The following SRD5A2 variants were observed in gnomAD, a reference collection of about 807,000 sequenced individuals.
The protein encoded by SRD5A2 is steroid 5 alpha-reductase 2.
SRD5A2 carries 30 observed loss-of-function variants against 27.4 expected under a neutral mutation model. That is an observed-to-expected ratio of 1.10 (90% CI 0.82 to 1.49). The LOEUF (loss-of-function observed/expected upper bound fraction) is 1.49. Ranked by LOEUF, SRD5A2 falls within the 40% of genes most tolerant of loss-of-function variation. The pLI is 0.00. For synonymous variants in SRD5A2, 141 were observed against 133.6 expected (o/e 1.06, Z -0.38); for missense variants, 348 against 323.4 (o/e 1.08, Z -0.58).
At chr2:31,618,850 C>G in the SRD5A2 span, among the ~76,000 whole-genome samples, 1 of 151,992 alleles carries the variant, frequency 6.6e-6, no homozygotes, top group Non-Finnish European at 1.5e-5. Flanking sequence ...CCAAAAAAAG[C>G]AATAAATATG....
chr2:31,550,601 G>T (rs1276232453), intron 1 of SRD5A2, among the ~76,000 whole-genome samples: 2 of 151,768 alleles, frequency 1.3e-5, no homozygotes, highest in Non-Finnish European at 2.9e-5. Flanking sequence ...AAAATCAATT[G>T]ATGTAACCCA....
the SRD5A2 span, among the ~76,000 whole-genome samples, chr2:31,633,152 C>T: frequency 6.6e-6 from 1 of 152,140 alleles, no homozygotes; most frequent in Non-Finnish European, 1.5e-5. Context: ...ATGGGGTAAT[C>T]CCCTCTGGGA....
chr2:31,594,817 G>A, the SRD5A2 span, among the ~76,000 whole-genome samples: 1 of 152,044 alleles, frequency 6.6e-6, no homozygotes, highest in African/African-American at 2.4e-5. Flanking sequence ...CACAAAACAA[G>A]TCTCAATAAA....
chr2:31,572,122 A>G (rs1300075659), intron 1 of SRD5A2, among the ~76,000 whole-genome samples: 1 of 152,252 alleles, frequency 6.6e-6, no homozygotes, highest in Non-Finnish European at 1.5e-5. Flanking sequence ...AATGTGGCAT[A>G]TATACACCAT....
the SRD5A2 span, among the ~76,000 whole-genome samples, chr2:31,636,953 T>G: frequency 1.3e-5 from 2 of 152,048 alleles, no homozygotes; most frequent in Non-Finnish European, 2.9e-5. Context: ...TGTATCTTTA[T>G]CTGGTTTCAG....
chr2:31,601,595 C>G, the SRD5A2 span, among the ~76,000 whole-genome samples: 1 of 151,932 alleles, frequency 6.6e-6, no homozygotes, highest in Non-Finnish European at 1.5e-5. Context: ...ATACTAAAAC[C>G]TGGCAGAGAT....
intron 1 of SRD5A2, among the ~76,000 whole-genome samples, chr2:31,567,225 C>A (rs1262517302): frequency 6.6e-6 from 1 of 152,074 alleles, no homozygotes; most frequent in Non-Finnish European, 1.5e-5. Context: ...GAATTCCTGG[C>A]CCTCCTCTAC....
chr2:31,609,130 C>G, the SRD5A2 span, among the ~76,000 whole-genome samples: 11 of 152,072 alleles, frequency 7.2e-5, no homozygotes, highest in Non-Finnish European at 1.5e-4. Context: ...GATTTCCACT[C>G]TCTAGAATGT....
At chr2:31,580,273 A>T (rs1346553908) in intron 1 of SRD5A2, among the ~76,000 whole-genome samples, 3 of 152,238 alleles carry the variant, frequency 2.0e-5, no homozygotes, top group Non-Finnish European at 4.4e-5. Flanking sequence ...CGCGCAGTTA[A>T]GGAACAGTCC....
the SRD5A2 span, among the ~76,000 whole-genome samples, chr2:31,650,822 C>G: frequency 6.6e-6 from 1 of 152,126 alleles, no homozygotes; most frequent in African/African-American, 2.4e-5. Context: ...GAGGGAAAAC[C>G]ACACACCATC....
At chr2:31,633,878 G>C in the SRD5A2 span, among the ~76,000 whole-genome samples, 80 of 152,256 alleles carry the variant, frequency 5.3e-4, no homozygotes, top group Non-Finnish European at 8.2e-4. Context: ...GTAGTAAAGA[G>C]AGCTCACTAA....
In SRD5A2 at chr2:31,531,370, C is replaced by T; in HGVS notation, c.547+1G>A. On this transcript the variant is annotated splice_donor_variant, in intron 3 of 4. Transcript: ENST00000622030. LOFTEE classifies it high-confidence loss of function. The stretch of plus-strand genomic sequence containing the variant: ...GAGTCTGGGGGCAGGGGAGACATTA[C>T]CTTGTGGAATCCTGTAGCTGATTTC... 6.4e-7 allele frequency: 1 copy of T among 1,574,126 alleles called. No individual in the cohort carries two copies. The highest frequency in any genetic ancestry group is 8.6e-7 in the Non-Finnish European group (1 of 1,157,934).
chr2:31,641,768 A>G, the SRD5A2 span, among the ~76,000 whole-genome samples: 2 of 152,100 alleles, frequency 1.3e-5, no homozygotes, highest in Non-Finnish European at 2.9e-5. Flanking sequence ...TTCAAGATCC[A>G]TTCCTGGGGG....
At chr2:31,633,797 C>T in the SRD5A2 span, among the ~76,000 whole-genome samples, 1 of 152,124 alleles carries the variant, frequency 6.6e-6, no homozygotes, top group Non-Finnish European at 1.5e-5. Flanking sequence ...ATCCCTAAGC[C>T]TAGCTGGGAA....
the SRD5A2 span, among the ~76,000 whole-genome samples, chr2:31,618,661 C>T: frequency 6.6e-6 from 1 of 151,874 alleles, no homozygotes; most frequent in Non-Finnish European, 1.5e-5. Context: ...AGGGTGGTTA[C>T]CTGAGGCTAA....
At chr2:31,660,540 G>A in the SRD5A2 span, among the ~76,000 whole-genome samples, 1 of 151,974 alleles carries the variant, frequency 6.6e-6, no homozygotes, top group Non-Finnish European at 1.5e-5. Context: ...TGATTATGCT[G>A]TGTCAATGTA....
At chr2:31,567,940 G>GGT (rs1219405112) in intron 1 of SRD5A2, among the ~76,000 whole-genome samples, 1 of 151,786 alleles carries the variant, frequency 6.6e-6, no homozygotes, top group African/African-American at 2.4e-5. Context: ...AATGATGAGG[G>GGT]GTGTGTGTGT....
intron 1 of SRD5A2, among the ~76,000 whole-genome samples, chr2:31,552,978 A>C (rs1309404934): frequency 6.6e-6 from 1 of 152,200 alleles, no homozygotes; most frequent in Non-Finnish European, 1.5e-5. Context: ...AATACTTATC[A>C]TAAAGAAGTT....
the SRD5A2 span, among the ~76,000 whole-genome samples, chr2:31,596,916 T>A: frequency 6.6e-6 from 1 of 152,138 alleles, no homozygotes; most frequent in East Asian, 1.9e-4. Context: ...GTGACCACCC[T>A]GCCAAAAGCA....
Sources: allele counts gnomAD v4.1 joint callset (sites outside exome capture counted in the v4.1 genomes callset), GRCh38; gene constraint gnomAD v4.1.1; transcripts MANE v1.5; gene names NCBI Gene and HGNC (gene_info 2026-07-23, HGNC 2026-07-21).